Variants in TCF7L1 observed in about 807,000 individuals in gnomAD.
TCF7L1 encodes transcription factor 7-like 1.
A neutral mutation model predicts 63.7 loss-of-function variants in TCF7L1; 18 were observed. The observed-to-expected ratio is 0.28, with a 90% CI of 0.20 to 0.42. The LOEUF is 0.42. Among genes scored for constraint, TCF7L1 ranks in the 10% least tolerant of loss-of-function variants. The probability of loss-of-function intolerance (pLI) is 1.00; values close to 1 mark genes in which losing one functional copy is unlikely to be tolerated. For missense variants in TCF7L1, 654 were observed against 779.3 expected, an observed-to-expected ratio of 0.84 and a Z score of 1.91; for synonymous variants, 355 against 340.9, an observed-to-expected ratio of 1.04 and a Z score of -0.46.
rs527730731 is a variant in TCF7L1, at chr2:85,302,149, A to C, written c.526-335A>C. On this transcript the variant is annotated intron_variant, in intron 4 of 11. Transcript: ENST00000282111. ...TCTCAAAAAACAAAACAAAACAAAA[A>C]AAAAACCTTTTTAGATTCAATGAGA... is the stretch of plus-strand genomic sequence containing the variant. 1.4e-4 allele frequency among the ~76,000 whole-genome samples: 22 copies of C among 152,154 alleles called. No homozygotes were observed. In the East Asian group the frequency reaches 1.5e-3, roughly 11 times the overall value.
At position 85,277,306 on chromosome 2, in the gene TCF7L1, A is replaced by G. The variant is rs112874965; in HGVS notation, c.442-6189A>G. 3.9e-4 allele frequency among the ~76,000 whole-genome samples: 59 copies of G among 152,268 alleles called. 2 individuals are homozygous for G. Among genetic ancestry groups the G allele is most frequent in the African/African-American group, 1.4e-3 (57 of 41,554 alleles). ...GATCGCTTCTTCACATTTTTCATTT[A>G]TAGTACGGTTATAGTATAGGTTCCT... is the stretch of plus-strand genomic sequence containing the variant. On this transcript the variant is annotated intron_variant, in intron 3 of 11. Coordinates refer to ENST00000282111, the MANE Select transcript of TCF7L1 (RefSeq NM_031283.3).
chr2:85,199,688 A>C (rs1679230789), intron 3 of TCF7L1, among the ~76,000 whole-genome samples: 1 of 152,240 alleles, frequency 6.6e-6, no homozygotes, highest in Non-Finnish European at 1.5e-5. Flanking sequence ...TTGGATATAA[A>C]GATTCAGATT....
At chr2:85,225,055 A>T (rs1572999015) in intron 3 of TCF7L1, among the ~76,000 whole-genome samples, 1 of 151,942 alleles carries the variant, frequency 6.6e-6, no homozygotes. Flanking sequence ...CCCATTGCTT[A>T]TTTTTGTCAG....
intron 3 of TCF7L1, among the ~76,000 whole-genome samples, chr2:85,153,340 A>ATATTTTTTTTTTTTTTTTTTTTTTTTTTT (rs750002994): frequency 3.9e-5 from 4 of 102,272 alleles, no homozygotes; most frequent in African/African-American, 1.7e-4. Context: ...GCCTTTATAA[A>ATATTTTTTTTTTTTTTTTTTTTTTTTTTT]TTTTTTTTTT....
At chr2:85,242,990 C>T (rs1376238213) in intron 3 of TCF7L1, among the ~76,000 whole-genome samples, 1 of 152,060 alleles carries the variant, frequency 6.6e-6, no homozygotes, top group Non-Finnish European at 1.5e-5. Flanking sequence ...CTCGACGCAC[C>T]GACATCTTGG....
chr2:85,298,970 C>T (rs537696496), intron 4 of TCF7L1, among the ~76,000 whole-genome samples: 8 of 152,080 alleles, frequency 5.3e-5, no homozygotes, highest in Admixed American at 3.3e-4. Flanking sequence ...TAGTGGGAAA[C>T]GGTAAGAACT....
chr2:85,138,486 T>C (rs891606213), intron 3 of TCF7L1, among the ~76,000 whole-genome samples: 1 of 152,288 alleles, frequency 6.6e-6, no homozygotes, highest in East Asian at 1.9e-4. Context: ...TTCATCTAAA[T>C]ATAACTTCTG....
At chr2:85,303,785 G>T (rs980526868) in intron 5 of TCF7L1, 110 bp from the exon 6 acceptor site, 6 of 787,090 alleles carry the variant, frequency 7.6e-6, no homozygotes, top group Non-Finnish European at 1.3e-5. Context: ...ACAAGCACCT[G>T]CTAGGCTCCA....
intron 6 of TCF7L1, 21 bp downstream of exon 6, chr2:85,304,018 C>T: frequency 6.5e-7 from 1 of 1,548,864 alleles, no homozygotes; most frequent in Non-Finnish European, 8.9e-7. Flanking sequence ...CACAGCCTCT[C>T]TTCCCCCTGC....
At chr2:85,196,076 G>T (rs1252839656) in intron 3 of TCF7L1, among the ~76,000 whole-genome samples, 1 of 152,136 alleles carries the variant, frequency 6.6e-6, no homozygotes, top group Non-Finnish European at 1.5e-5. Flanking sequence ...GAGTGGTGAG[G>T]ACACTGTGCT....
intron 3 of TCF7L1, among the ~76,000 whole-genome samples, chr2:85,236,908 A>G (rs1680205262): frequency 6.6e-6 from 1 of 152,170 alleles, no homozygotes; most frequent in African/African-American, 2.4e-5. Flanking sequence ...AAACCTGTCT[A>G]CCACCACGGG....
At chr2:85,203,993 C>T (rs762780740) in intron 3 of TCF7L1, among the ~76,000 whole-genome samples, 31 of 152,046 alleles carry the variant, frequency 2.0e-4, no homozygotes, top group Non-Finnish European at 4.3e-4. Flanking sequence ...GGAGTTAGAT[C>T]CCTACCTCAT....
At chr2:85,268,143 T>C (rs925881999) in intron 3 of TCF7L1, among the ~76,000 whole-genome samples, 1 of 152,208 alleles carries the variant, frequency 6.6e-6, no homozygotes, top group African/African-American at 2.4e-5. Flanking sequence ...AAATGGAGTC[T>C]TACTCACCTG....
chr2:85,308,623 G>A (rs926502804), intron 11 of TCF7L1, among the ~76,000 whole-genome samples: 2 of 150,824 alleles, frequency 1.3e-5, no homozygotes, highest in South Asian at 4.2e-4. Context: ...GCGCACATGA[G>A]TGGAACCCGT....
At chr2:85,163,585 G>T (rs1219019295) in intron 3 of TCF7L1, among the ~76,000 whole-genome samples, 1 of 152,188 alleles carries the variant, frequency 6.6e-6, no homozygotes, top group Non-Finnish European at 1.5e-5. Flanking sequence ...GATTTTGAAT[G>T]TTGTATTTTT....
chr2:85,145,615 G>A lies in TCF7L1; in HGVS notation c.441+11165G>A, dbSNP rs555557515. Among the ~76,000 whole-genome samples, 218 of 152,286 alleles carry A rather than the reference G, an allele frequency of 1.4e-3. 1 individual carries two copies. Among genetic ancestry groups the A allele is most frequent in the African/African-American group, 5.0e-3 (207 of 41,560 alleles). Reference sequence around the variant, plus strand: ...CTGAGATTCTTATCAAGGACCCTGCGGGAGTGTCCTCTAGCCCTCTGAGCT... The same window carrying A: ...CTGAGATTCTTATCAAGGACCCTGCAGGAGTGTCCTCTAGCCCTCTGAGCT... On this transcript the variant is annotated intron_variant, in intron 3 of 11. Coordinates refer to ENST00000282111, the MANE Select transcript of TCF7L1 (RefSeq NM_031283.3).
chr2:85,194,246 A>G (rs535697869), intron 3 of TCF7L1, among the ~76,000 whole-genome samples: 51 of 152,210 alleles, frequency 3.4e-4, no homozygotes, highest in African/African-American at 1.2e-3. Context: ...GAATTACAGA[A>G]TTCAGGAGTG....
chr2:85,175,281 G>A (rs1411561113), intron 3 of TCF7L1, among the ~76,000 whole-genome samples: 9 of 152,184 alleles, frequency 5.9e-5, no homozygotes, highest in Admixed American at 2.6e-4. Context: ...CCCCACAATT[G>A]TTATTTCCTG....
intron 3 of TCF7L1, among the ~76,000 whole-genome samples, chr2:85,258,914 A>G (rs1046543868): frequency 1.3e-5 from 2 of 152,178 alleles, no homozygotes; most frequent in Admixed American, 1.3e-4. Flanking sequence ...ATTAACATGA[A>G]TACGTTGGTT....
Sources: allele counts gnomAD v4.1 joint callset (sites outside exome capture counted in the v4.1 genomes callset), GRCh38; gene constraint gnomAD v4.1.1; transcripts MANE v1.5; gene names NCBI Gene and HGNC (gene_info 2026-07-23, HGNC 2026-07-21).